IGSF11: variants seen among roughly 807,000 people sequenced by gnomAD.
IGSF11 encodes the protein immunoglobulin superfamily member 11.
IGSF11 carries 22 observed loss-of-function variants against 41.0 expected under a neutral mutation model. That is an observed-to-expected ratio of 0.54 (90% confidence interval 0.38 to 0.77). The LOEUF is 0.77. Among genes scored for constraint, IGSF11 ranks in the 30% least tolerant of loss-of-function variants. The pLI, the probability that IGSF11 is intolerant of heterozygous loss-of-function variation, is 0.00. For synonymous variants in IGSF11, 219 were observed against 201.3 expected, an observed-to-expected ratio of 1.09 and a Z score of -0.74; for missense variants, 444 against 530.8, an observed-to-expected ratio of 0.84 and a Z score of 1.61.
At chr3:119,051,009 G>A (rs538540512) in intron 1 of IGSF11, among the ~76,000 whole-genome samples, 1 of 140,382 alleles carries the variant, frequency 7.1e-6, no homozygotes, top group South Asian at 2.6e-4. Flanking sequence ...GTTGGGGGGA[G>A]GGGGGAGGGA....
intron 1 of IGSF11, among the ~76,000 whole-genome samples, chr3:118,958,136 C>T (rs1945092712): frequency 6.6e-6 from 1 of 152,160 alleles, no homozygotes; most frequent in South Asian, 2.1e-4. Flanking sequence ...CTCAGAATTA[C>T]AGATACTTCC....
At chr3:118,905,315 A>G (rs1212084251) in intron 5 of IGSF11, among the ~76,000 whole-genome samples, 1 of 152,238 alleles carries the variant, frequency 6.6e-6, no homozygotes, top group East Asian at 1.9e-4. Context: ...TAAGATTATT[A>G]CCATTTTTAT....
chr3:119,130,138 T>C lies in IGSF11; in HGVS notation c.-14+15675A>G, dbSNP rs367928147. On this transcript the variant is annotated intron_variant, in intron 1 of 7. Transcript: ENST00000425327. ...CTCCAGTCTGCAGCTCCCAGAATGA[T>C]TGATGCAGAAGATAGGTGATTTCTG... Among the ~76,000 whole-genome samples, 65 of 152,278 alleles carry C rather than the reference T, an allele frequency of 4.3e-4. No homozygotes were observed. The East Asian group carries it at 8.9e-3, about 21-fold the overall frequency.
intron 1 of IGSF11, among the ~76,000 whole-genome samples, chr3:119,069,301 AATTAGAC>A (rs990707524): frequency 8.5e-5 from 13 of 152,130 alleles, no homozygotes; most frequent in African/African-American, 3.1e-4. Context: ...TTGGGTTGGT[AATTAGAC>A]CACAAAAACA....
At chr3:118,939,552 G>C (rs1395242136) in intron 1 of IGSF11, among the ~76,000 whole-genome samples, 1 of 149,800 alleles carries the variant, frequency 6.7e-6, no homozygotes, top group Non-Finnish European at 1.5e-5. Flanking sequence ...CTCTAGCCTG[G>C]GTGACAGAGC....
chr3:119,110,796 A>C (rs1277564811), intron 1 of IGSF11, among the ~76,000 whole-genome samples: 2 of 151,510 alleles, frequency 1.3e-5, no homozygotes, highest in Non-Finnish European at 1.5e-5. Context: ...GTGGTGACAA[A>C]ATCTCTCAGC....
chr3:119,052,140 A>G (rs920581772), intron 1 of IGSF11, among the ~76,000 whole-genome samples: 2 of 152,158 alleles, frequency 1.3e-5, no homozygotes, highest in African/African-American at 4.8e-5. Context: ...GAGCAGAACT[A>G]AATGAAATTG....
Position 119,041,974 on chromosome 3 carries a change from T to C in IGSF11, c.49+63170A>G, listed in dbSNP as rs1435660. ...GCATACCAAATATTGACAAGAATGA[T>C]AGGAGAAAAGAAAAGAAAATAGGCC... On this transcript the variant is annotated intron_variant, in intron 1 of 6. Transcript: ENST00000354673. 1.1e-4 allele frequency among the ~76,000 whole-genome samples: 17 copies of C among 152,128 alleles called. No individual in the cohort carries two copies. The South Asian group carries it at 1.5e-3, about 13-fold the overall frequency.
upstream of IGSF11, among the ~76,000 whole-genome samples, chr3:119,109,658 T>C (rs149310300): frequency 0.053 from 8,091 of 152,294 alleles, 314 homozygotes; most frequent in Middle Eastern, 0.099. Flanking sequence ...CTCTTGCTTG[T>C]CTAGTTCTTT....
intron 1 of IGSF11, among the ~76,000 whole-genome samples, chr3:119,016,504 T>C (rs1938703823): frequency 6.6e-6 from 1 of 152,224 alleles, no homozygotes; most frequent in Admixed American, 6.5e-5. Flanking sequence ...TTATTGACTA[T>C]GCAAGAAAAT....
intron 2 of IGSF11, 123 bp downstream of exon 2, chr3:118,929,989 G>C: frequency 2.2e-6 from 2 of 904,810 alleles, no homozygotes; most frequent in Non-Finnish European, 3.4e-6. Flanking sequence ...CCTTAAAAGA[G>C]TACACGCACA....
intron 1 of IGSF11, among the ~76,000 whole-genome samples, chr3:119,122,131 T>C (rs867855981): frequency 6.6e-6 from 1 of 152,188 alleles, no homozygotes. Context: ...TTTAATTTCA[T>C]ATTTCTGAAA....
chr3:119,128,406 A>AGAGAGAGAG (rs1407264821), intron 1 of IGSF11, among the ~76,000 whole-genome samples: 5 of 152,028 alleles, frequency 3.3e-5, no homozygotes, highest in African/African-American at 1.2e-4. Context: ...GAGAGAAAGG[A>AGAGAGAGAG]AGGAAAAGAA....
chr3:119,090,642 C>T (rs1454143613), intron 1 of IGSF11, among the ~76,000 whole-genome samples: 1 of 152,168 alleles, frequency 6.6e-6, no homozygotes, highest in Non-Finnish European at 1.5e-5. Context: ...GAAAAGGATA[C>T]TCTATTCAAT....
chr3:119,073,776 G>A (rs115148765), intron 1 of IGSF11, among the ~76,000 whole-genome samples: 4 of 152,202 alleles, frequency 2.6e-5, no homozygotes, highest in East Asian at 1.9e-4. Context: ...TTCCACCCAC[G>A]CCTCTCCCTC....
At chr3:119,125,335 T>G (rs190748649) in intron 1 of IGSF11, among the ~76,000 whole-genome samples, 141 of 152,280 alleles carry the variant, frequency 9.3e-4, no homozygotes, top group African/African-American at 3.3e-3. Flanking sequence ...AGGCTGTTTA[T>G]TCACTTGGGT....
At chr3:118,908,127 T>C (rs1939839936) in intron 4 of IGSF11, among the ~76,000 whole-genome samples, 1 of 152,206 alleles carries the variant, frequency 6.6e-6, no homozygotes, top group African/African-American at 2.4e-5. Context: ...CTGGTAATTT[T>C]GTTGACATTT....
At chr3:119,119,893 TTGAA>T (rs1272473014) in intron 1 of IGSF11, among the ~76,000 whole-genome samples, 1 of 152,224 alleles carries the variant, frequency 6.6e-6, no homozygotes. Context: ...AAGAAAATTC[TTGAA>T]TGACTTTGAC....
intron 1 of IGSF11, among the ~76,000 whole-genome samples, chr3:119,048,325 G>A (rs1421614349): frequency 1.9e-4 from 29 of 151,854 alleles, no homozygotes; most frequent in African/African-American, 5.3e-4. Flanking sequence ...TATCACCACC[G>A]ATCCCACAGA....
Sources: allele counts gnomAD v4.1 joint callset (sites outside exome capture counted in the v4.1 genomes callset), GRCh38; gene constraint gnomAD v4.1.1; transcripts MANE v1.5; gene names NCBI Gene and HGNC (gene_info 2026-07-23, HGNC 2026-07-21).